RASGEF1A: variants seen among roughly 807,000 people sequenced by gnomAD.
RASGEF1A encodes the protein RasGEF domain family member 1A, also known as ras-GEF domain-containing family member 1A.
A neutral mutation model predicts 56.4 loss-of-function variants in RASGEF1A; 18 were observed. The observed-to-expected ratio is 0.32, with a 90% confidence interval of 0.22 to 0.47. The LOEUF is 0.47. Ranked by LOEUF, RASGEF1A falls within the 20% of genes least tolerant of loss-of-function variation. RASGEF1A has a pLI of 1.00. For synonymous variants in RASGEF1A, 245 were observed against 242.6 expected (o/e 1.01, Z -0.09); for missense variants, 422 against 627.1 (o/e 0.67, Z 3.49).
chr10:43,200,076 G>T, intron 6 of RASGEF1A, 106 bp downstream of exon 6: 1 of 919,128 alleles, frequency 1.1e-6, no homozygotes. Flanking sequence ...CCAGCACTCC[G>T]GAGACGCTCG....
chr10:43,265,087 G>C (rs921311651), intron 1 of RASGEF1A, among the ~76,000 whole-genome samples: 3 of 152,108 alleles, frequency 2.0e-5, no homozygotes, highest in Non-Finnish European at 4.4e-5. Flanking sequence ...GCCACTGTGT[G>C]CGTGGCTCTC....
chr10:43,219,179 C>A (rs1477296815), intron 1 of RASGEF1A, among the ~76,000 whole-genome samples: 1 of 152,244 alleles, frequency 6.6e-6, no homozygotes, highest in African/African-American at 2.4e-5. Flanking sequence ...CTGCTCCCCC[C>A]TCCCCTTGGC....
chr10:43,206,159 C>G, intron 1 of RASGEF1A, 37 bp from the exon 2 acceptor site: 1 of 1,503,294 alleles, frequency 6.7e-7, no homozygotes, highest in Non-Finnish European at 9.0e-7. Context: ...GCATCAAAGG[C>G]GCCTCCACAG....
chr10:43,203,981 G>A (rs1000383659), intron 2 of RASGEF1A, among the ~76,000 whole-genome samples: 2 of 150,186 alleles, frequency 1.3e-5, no homozygotes, highest in Non-Finnish European at 3.0e-5. Context: ...TGCTGGTGGG[G>A]GCCCCTGCAC....
At chr10:43,232,004 G>T (rs1383299256) in intron 1 of RASGEF1A, among the ~76,000 whole-genome samples, 2 of 152,270 alleles carry the variant, frequency 1.3e-5, no homozygotes, top group Non-Finnish European at 2.9e-5. Flanking sequence ...CTGGAACAAG[G>T]CTGCCTCTGA....
chr10:43,231,795 C>T (rs1840372445), intron 1 of RASGEF1A, among the ~76,000 whole-genome samples: 1 of 152,240 alleles, frequency 6.6e-6, no homozygotes, highest in Non-Finnish European at 1.5e-5. Context: ...GTCCTGCTTG[C>T]ATCCCTGCAG....
chr10:43,215,033 G>A (rs1387688699), intron 1 of RASGEF1A, among the ~76,000 whole-genome samples: 1 of 152,170 alleles, frequency 6.6e-6, no homozygotes, highest in Non-Finnish European at 1.5e-5. Flanking sequence ...ATGGCCCCCT[G>A]AGCATCAAGT....
chr10:43,213,092 G>A (rs1410621357), intron 1 of RASGEF1A, among the ~76,000 whole-genome samples: 1 of 152,204 alleles, frequency 6.6e-6, no homozygotes, highest in African/African-American at 2.4e-5. Context: ...CAGAGGGCAG[G>A]AGCGGGAAAC....
chr10:43,197,044 T>C lies in RASGEF1A; in HGVS notation c.1280A>G (p.Glu427Gly). ...IHEFMTWTQV[E>G]CPFEKDKKIQ... ...CTTCTTGTCCTTCTCGAAAGGACAC[T>C]CTACCTGTGTCCATGTCATGAACTC... Residue 427 changes from glutamate to glycine, a missense_variant, in exon 11 of 13, where the codon GAG becomes GGG. Glu to Gly is a moderately conservative substitution (Grantham distance 98). Around this residue, in one of 2 missense-constraint regions of RASGEF1A, gnomAD observed 149 missense variants for 287.2 expected, o/e 0.52. Transcript: ENST00000395810. The C allele has an allele frequency of 6.2e-7, 1 of 1,613,546 alleles. No individual in the cohort carries two copies. Among genetic ancestry groups the C allele is most frequent in the Non-Finnish European group, 8.5e-7 (1 of 1,179,470 alleles).
intron 1 of RASGEF1A, among the ~76,000 whole-genome samples, chr10:43,211,291 C>G (rs1246794801): frequency 2.0e-5 from 3 of 152,192 alleles, no homozygotes; most frequent in Admixed American, 1.3e-4. Context: ...TTACTTGGCT[C>G]TCTGGGGGCA....
intron 1 of RASGEF1A, among the ~76,000 whole-genome samples, chr10:43,249,791 C>G (rs1348523172): frequency 6.6e-6 from 1 of 152,202 alleles, no homozygotes; most frequent in African/African-American, 2.4e-5. Context: ...GTCCCCCAAT[C>G]CTCAGAGTCC....
At position 43,196,234 on chromosome 10, in the gene RASGEF1A, T is replaced by G. The variant is rs779145141; in HGVS notation, c.*10A>C. On this transcript the variant is annotated 3_prime_UTR_variant, in exon 13 of 13. Coordinates refer to ENST00000395810, the MANE Select transcript of RASGEF1A (RefSeq NM_145313.4). The surrounding 1 kb of genome is among the most constrained non-coding windows in gnomAD (Gnocchi z 4.6). ...ACGTGCTTCCTCTGGCGTCGCGGGC[T>G]GCATCCGCCTCAGGCTCTGTTCAGA... 6.2e-6 allele frequency: 10 copies of G among 1,612,614 alleles called. No homozygotes were observed. In the South Asian group the frequency reaches 6.6e-5, roughly 11 times the overall value.
intron 1 of RASGEF1A, among the ~76,000 whole-genome samples, chr10:43,251,370 G>A (rs534149618): frequency 6.6e-6 from 1 of 152,274 alleles, no homozygotes; most frequent in East Asian, 1.9e-4. Context: ...AGCGTCTTGT[G>A]GGGCCCCTCA....
intron 7 of RASGEF1A, 124 bp downstream of exon 7, chr10:43,199,552 C>A: frequency 2.6e-6 from 2 of 769,698 alleles, no homozygotes; most frequent in Non-Finnish European, 4.4e-6. Flanking sequence ...AAGGCCCTGA[C>A]AATGCAACAG....
chr10:43,259,957 C>T (rs1265715726), intron 1 of RASGEF1A, among the ~76,000 whole-genome samples: 1 of 152,138 alleles, frequency 6.6e-6, no homozygotes, highest in African/African-American at 2.4e-5. Context: ...TGAAGGGAGG[C>T]ACCAGAGAAC....
In RASGEF1A at chr10:43,195,957, A is replaced by C. The variant is rs184243450; in HGVS notation, c.*287T>G. On this transcript the variant is annotated 3_prime_UTR_variant, in exon 13 of 13. Coordinates refer to ENST00000395810, the MANE Select transcript of RASGEF1A (RefSeq NM_145313.4). This position sits in a 1 kb window ranked among gnomAD's most constrained non-coding sequence, Gnocchi z 4.2. ...TGTTAATAATCAAAAGTAGAAAATA[A>C]AAATCTACATTTCATTAGAATAAGA... 1.5e-4 allele frequency: 38 copies of C among 258,386 alleles called. No homozygotes were observed. The Admixed American group carries it at 1.5e-3, about 10-fold the overall frequency. 16.0% of individuals were successfully genotyped at this position (258,386 alleles called of 1,614,324 possible). A position where few individuals can be genotyped will look rare whatever the true frequency, so the allele number is the denominator to read the frequency against.
At chr10:43,239,349 C>T (rs750833913) in intron 1 of RASGEF1A, among the ~76,000 whole-genome samples, 1 of 152,148 alleles carries the variant, frequency 6.6e-6, no homozygotes, top group African/African-American at 2.4e-5. Flanking sequence ...AGAGACATCC[C>T]AGAAGTGCTT....
intron 1 of RASGEF1A, among the ~76,000 whole-genome samples, chr10:43,256,220 A>AG (rs538732490): frequency 6.4e-4 from 97 of 152,318 alleles, no homozygotes; most frequent in African/African-American, 2.2e-3. Context: ...AGCCAGGACA[A>AG]GGCAAGCCAG....
chr10:43,246,102 A>C (rs1840564775), intron 1 of RASGEF1A, among the ~76,000 whole-genome samples: 1 of 152,220 alleles, frequency 6.6e-6, no homozygotes, highest in Admixed American at 6.5e-5. Flanking sequence ...TATGAAAATC[A>C]ATTGTAATTC....
Sources: gnomAD v4.1 joint callset for allele counts (sites outside exome capture counted in the v4.1 genomes callset) on GRCh38, gnomAD v4.1.1 for gene constraint, gnomAD v4.1.1 regional missense constraint, Gnocchi (gnomAD v3.1) non-coding constraint, MANE v1.5 for transcripts, NCBI Gene and HGNC (gene_info 2026-07-23, HGNC 2026-07-21) for gene names.